The following PCDHGA1 variants were observed in gnomAD, a reference collection of about 807,000 sequenced individuals.
The protein encoded by PCDHGA1 is protocadherin gamma subfamily A, 1.
A neutral mutation model predicts 58.0 loss-of-function variants in PCDHGA1; 32 were observed. That is an observed-to-expected ratio of 0.55 (90% confidence interval 0.42 to 0.74). The LOEUF is 0.74. PCDHGA1 is among the 30% of genes least tolerant of loss of function. PCDHGA1 has a pLI of 0.00. For synonymous variants in PCDHGA1, 498 were observed against 501.1 expected (o/e 0.99, Z 0.08); for missense variants, 1,205 against 1,182.3 (o/e 1.02, Z -0.28).
rs755880915 is a variant in PCDHGA1 at position 141,333,125 on chromosome 5, G to A, written c.2421+20G>A. The stretch of plus-strand genomic sequence containing the variant: ...TCTCAGGTAAACTTTTGTGATGAAT[G>A]TATCAGCTATCTAGAGAAAAATAAT... On this transcript the variant is annotated intron_variant, in intron 1 of 3. Transcript: ENST00000517417. 3 of 1,614,070 alleles carry A rather than the reference G, an allele frequency of 1.9e-6. No individual in the cohort carries two copies. Among genetic ancestry groups the A allele is most frequent in the Non-Finnish European group, 2.5e-6 (3 of 1,179,976 alleles).
At chr5:141,427,499 T>C in intron 1 of PCDHGA1, 2 of 571,516 alleles carry the variant, frequency 3.5e-6, no homozygotes, top group Non-Finnish European at 3.3e-6. Flanking sequence ...TTGTAACAGA[T>C]GGGACCCTGG....
intron 1 of PCDHGA1, among the ~76,000 whole-genome samples, chr5:141,353,220 T>C (rs796371145): frequency 2.0e-5 from 3 of 152,298 alleles, no homozygotes; most frequent in African/African-American, 7.2e-5. Flanking sequence ...TCCTAGATGT[T>C]AACACTTAGT....
chr5:141,490,380 T>A lies in PCDHGA1; in HGVS notation c.2422-4427T>A. On this transcript the variant is annotated intron_variant, in intron 1 of 3. Coordinates refer to ENST00000517417, the MANE Select transcript of PCDHGA1 (RefSeq NM_018912.3). The surrounding 1 kb of genome is among the most constrained non-coding windows in gnomAD (Gnocchi z 5.4). ...TTAATGTGCGAGACCGGGACTCAGG[T>A]AGAAATGGTGAAGTGAGCCTTGATA... 6.2e-7 allele frequency: 1 copy of A among 1,614,204 alleles called. No homozygotes were observed. The highest frequency in any genetic ancestry group is 1.7e-5 in the Admixed American group (1 of 60,026).
chr5:141,488,837 C>A (rs550655328), intron 1 of PCDHGA1, among the ~76,000 whole-genome samples: 1 of 152,280 alleles, frequency 6.6e-6, no homozygotes, highest in African/African-American at 2.4e-5. Context: ...GCCAAGGGGG[C>A]TGAATCAACC....
intron 1 of PCDHGA1, chr5:141,344,166 G>A: frequency 6.2e-7 from 1 of 1,614,022 alleles, no homozygotes; most frequent in Non-Finnish European, 8.5e-7. Context: ...AGGTTCCTTC[G>A]TGGGCAACAT....
Position 141,331,316 on chromosome 5 carries a change from T to C in PCDHGA1, c.632T>C (p.Ile211Thr). The change falls in exon 1 of 4, where the codon ATC becomes ACC. Residue 211 changes from isoleucine to threonine, a missense_variant. Ile to Thr is a moderately conservative substitution (Grantham distance 89). Transcript: ENST00000517417. Reference protein sequence around the residue: ...DREEEAVHHLILTASDGGEPV... With the variant: ...DREEEAVHHLTLTASDGGEPV... ...GAAGAAGAAGCTGTCCACCACCTCA[T>C]CCTCACAGCTTCTGATGGGGGTGAA... The C allele has an allele frequency of 6.2e-7, 1 of 1,614,114 alleles. No homozygotes were observed. The highest frequency in any genetic ancestry group is 8.5e-7 in the Non-Finnish European group (1 of 1,180,030).
chr5:141,372,008 C>T, intron 1 of PCDHGA1: 3 of 1,613,290 alleles, frequency 1.9e-6, no homozygotes, highest in African/African-American at 1.3e-5. Flanking sequence ...GCGACCAGGG[C>T]TCGCCTACGC....
At chr5:141,352,340 T>A in intron 1 of PCDHGA1, 1 of 1,614,076 alleles carries the variant, frequency 6.2e-7, no homozygotes, top group South Asian at 1.1e-5. Context: ...GGCCTTGGCC[T>A]TGATCTCAGT....
In PCDHGA1 at chr5:141,485,027, G is replaced by A. The variant is rs1594439784; in HGVS notation, c.2422-9780G>A. ...AATCTACCCCGCCACCAGCAAAAAC[G>A]GCGCGTAACCCTTGCGGCGCCGGCC... is the stretch of plus-strand genomic sequence containing the variant. On this transcript the variant is annotated intron_variant, in intron 1 of 3. Coordinates refer to ENST00000517417, the MANE Select transcript of PCDHGA1 (RefSeq NM_018912.3). The surrounding 1 kb of genome is among the most constrained non-coding windows in gnomAD (Gnocchi z 5.7). 1.5e-6 allele frequency: 1 copy of A among 662,546 alleles called. No individual in the cohort carries two copies. Among genetic ancestry groups the A allele is most frequent in the South Asian group, 1.9e-5 (1 of 53,596 alleles). The allele number at this position is 662,546 out of a possible 1,614,324, so 41.0% of individuals were successfully genotyped here.
chr5:141,366,774 G>A, intron 1 of PCDHGA1: 1 of 1,595,562 alleles, frequency 6.3e-7, no homozygotes, highest in East Asian at 2.2e-5. Context: ...TTTCGGTAAG[G>A]ATGACCAGAA....
intron 1 of PCDHGA1, chr5:141,427,831 G>A (rs2097077070): frequency 6.5e-7 from 1 of 1,539,366 alleles, no homozygotes; most frequent in East Asian, 2.2e-5. Context: ...GTCGCGCAGC[G>A]TGCCTTCGAC....
chr5:141,484,549 G>A (rs939394402), intron 1 of PCDHGA1, among the ~76,000 whole-genome samples: 1 of 152,162 alleles, frequency 6.6e-6, no homozygotes, highest in African/African-American at 2.4e-5. Context: ...GTTCTAATTA[G>A]CAGTTGCTCC....
rs758047417 is a variant in PCDHGA1, at chr5:141,331,286, A to T, written c.602A>T (p.Asp201Val). The T allele has an allele frequency of 4.3e-6, 7 of 1,614,042 alleles. No homozygotes were observed. The highest frequency in any genetic ancestry group is 5.9e-6 in the Non-Finnish European group (7 of 1,180,006). ...GAGATGGTGCTGCAGAGTCCCTTAGACAGAGAAGAAGAAGCTGTCCACCAC... is the reference window on the plus strand; with the variant it reads ...GAGATGGTGCTGCAGAGTCCCTTAGTCAGAGAAGAAGAAGCTGTCCACCAC... Reference protein sequence around the residue: ...HPEMVLQSPLDREEEAVHHLI... With the variant: ...HPEMVLQSPLVREEEAVHHLI... Residue 201 changes from aspartate (D) to valine (V), a missense_variant, in exon 1 of 4, where the codon GAC (aspartate) becomes GTC (valine). By Grantham distance (152) the Asp-to-Val change is radical (BLOSUM62 -3). Transcript: ENST00000517417.
In PCDHGA1 at chr5:141,487,883, G is replaced by A; in HGVS notation, c.2422-6924G>A. ...GGTGATCAAGAGCCAGGCTGTTGTG[G>A]AAGCATGATGATGGAATGTGGGAGC... is the stretch of plus-strand genomic sequence containing the variant. On this transcript the variant is annotated intron_variant, in intron 1 of 3. Transcript: ENST00000517417. This position sits in a 1 kb window ranked among gnomAD's most constrained non-coding sequence, Gnocchi z 5.0. The A allele has an allele frequency of 1.3e-6, 1 of 766,586 alleles. No homozygotes were observed. The highest frequency in any genetic ancestry group is 1.8e-5 in the South Asian group (1 of 55,094). 47.5% of individuals were successfully genotyped at this position (766,586 alleles called of 1,614,324 possible).
chr5:141,364,385 C>T, intron 1 of PCDHGA1: 1 of 1,591,060 alleles, frequency 6.3e-7, no homozygotes, highest in Non-Finnish European at 8.6e-7. Context: ...GCCCTTCATG[C>T]TCCTGGGGAC....
At chr5:141,461,328 A>G (rs2154567322) in intron 1 of PCDHGA1, among the ~76,000 whole-genome samples, 1 of 152,282 alleles carries the variant, frequency 6.6e-6, no homozygotes, top group East Asian at 1.9e-4. Flanking sequence ...AATAATGGCC[A>G]TTCTTGCAGG....
rs1297266733 is a variant in PCDHGA1 at position 141,366,482 on chromosome 5, C to T, written c.2421+33377C>T. 5 of 1,614,124 alleles carry T rather than the reference C, an allele frequency of 3.1e-6. No homozygotes were observed. In the African/African-American group the frequency reaches 6.7e-5, roughly 22 times the overall value. On this transcript the variant is annotated intron_variant, in intron 1 of 3. Coordinates refer to ENST00000517417, the MANE Select transcript of PCDHGA1 (RefSeq NM_018912.3). ...CGTGCTGCTGGTGCTCAGACTGAGG[C>T]GCTGGCACAAGTCACGCCTGCTTCA...
intron 1 of PCDHGA1, among the ~76,000 whole-genome samples, chr5:141,436,531 G>A (rs1365651055): frequency 2.6e-5 from 4 of 152,152 alleles, no homozygotes; most frequent in South Asian, 2.1e-4. Flanking sequence ...CCTTTAGCAA[G>A]TTATTTAATC....
rs753032334 is a variant in PCDHGA1 at position 141,372,277 on chromosome 5, C to G, written c.2421+39172C>G. The G allele has an allele frequency of 7.4e-6, 12 of 1,612,994 alleles. No individual in the cohort carries two copies. Among genetic ancestry groups the G allele is most frequent in the Middle Eastern group, 3.3e-4 (2 of 6,080 alleles). Reference sequence around the variant, plus strand: ...GGCCTGCGCACGGGTGAGGTGCGCACGGCGCGTACCTTGGGCGACAGGGAG... The same window carrying G: ...GGCCTGCGCACGGGTGAGGTGCGCAGGGCGCGTACCTTGGGCGACAGGGAG... On this transcript the variant is annotated intron_variant, in intron 1 of 3. Transcript: ENST00000517417.
Sources: gnomAD v4.1 joint callset for allele counts (sites outside exome capture counted in the v4.1 genomes callset) on GRCh38, gnomAD v4.1.1 for gene constraint, Gnocchi (gnomAD v3.1) non-coding constraint, MANE v1.5 for transcripts, NCBI Gene and HGNC (gene_info 2026-07-23, HGNC 2026-07-21) for gene names.